FAM204A: variants seen among roughly 807,000 people sequenced by gnomAD.
FAM204A encodes the protein family with sequence similarity 204 member A, also known as protein FAM204A.
A neutral mutation model predicts 35.4 loss-of-function variants in FAM204A; 16 were observed. The ratio of observed to expected loss-of-function variants is 0.45; its 90% CI spans 0.31 to 0.69. FAM204A has a LOEUF of 0.69. FAM204A is among the 30% of genes least tolerant of loss of function. FAM204A has a pLI of 0.07. For missense variants in FAM204A, 240 were observed against 265.7 expected, an observed-to-expected ratio of 0.90 and a Z score of 0.67; for synonymous variants, 76 against 86.9, an observed-to-expected ratio of 0.88 and a Z score of 0.70.
chr10:118,339,424 T>C (rs1421063886), intron 2 of FAM204A, among the ~76,000 whole-genome samples: 1 of 152,240 alleles, frequency 6.6e-6, no homozygotes, highest in Admixed American at 6.5e-5. Flanking sequence ...CTGTGGAGAA[T>C]GATTCTCTAT....
At position 118,307,255 on chromosome 10, in the gene FAM204A, T is replaced by C. The variant is rs957408739; in HGVS notation, c.*3602A>G. ...CTGATGTCACAAATACCAGTCTACA[T>C]TTGGTTCTGGAAAAAGATTTTCATG... On this transcript the variant is annotated 3_prime_UTR_variant, in exon 9 of 9. Transcript: ENST00000369183. 22 of 152,228 alleles carry C rather than the reference T, an allele frequency of 1.4e-4. No individual in the cohort carries two copies. The highest frequency in any genetic ancestry group is 5.1e-4 in the African/African-American group (21 of 41,452). 9.4% of individuals were successfully genotyped at this position (152,228 alleles called of 1,614,324 possible). A position where few individuals can be genotyped will look rare whatever the true frequency, so the allele number is the denominator to read the frequency against.
chr10:118,335,151 C>CT lies in FAM204A; in HGVS notation c.415dup (p.Arg139LysfsTer3). ...TTTCCTTTTAACAGGCGGGTCAAAT[C>CT]TATCATTGACTCCAAAATACTGAGT... On this transcript the variant is annotated frameshift_variant, in exon 6 of 9. Transcript: ENST00000369183. LOFTEE classifies it high-confidence loss of function. 3 of 1,613,456 alleles carry CT rather than the reference C, an allele frequency of 1.9e-6. No individual in the cohort carries two copies. Among genetic ancestry groups the CT allele is most frequent in the Non-Finnish European group, 2.5e-6 (3 of 1,179,728 alleles).
rs1178342377 is a variant in FAM204A, at chr10:118,310,295, A to T, written c.*562T>A. 1.3e-5 allele frequency: 2 copies of T among 151,686 alleles called. No homozygotes were observed. Among genetic ancestry groups the T allele is most frequent in the African/African-American group, 2.4e-5 (1 of 41,076 alleles). 9.4% of individuals were successfully genotyped at this position (151,686 alleles called of 1,614,324 possible). A position where few individuals can be genotyped will look rare whatever the true frequency, so the allele number is the denominator to read the frequency against. On this transcript the variant is annotated 3_prime_UTR_variant, in exon 9 of 9. Transcript: ENST00000369183. ...TCAAGACCAGCCTGACCAACACAGCAAAACTCTGTCTCTACTAAAAATACA... is the reference window on the plus strand; with the variant it reads ...TCAAGACCAGCCTGACCAACACAGCTAAACTCTGTCTCTACTAAAAATACA...
At chr10:118,318,619 G>A (rs1846065793) in intron 7 of FAM204A, among the ~76,000 whole-genome samples, 1 of 151,942 alleles carries the variant, frequency 6.6e-6, no homozygotes, top group Admixed American at 6.6e-5. Flanking sequence ...GCTCAGCTTT[G>A]TATCTGAGCA....
At chr10:118,316,626 C>A (rs1169880298) in intron 7 of FAM204A, among the ~76,000 whole-genome samples, 1 of 152,068 alleles carries the variant, frequency 6.6e-6, no homozygotes, top group Non-Finnish European at 1.5e-5. Context: ...TATTTTTATA[C>A]CTACAACTCC....
At chr10:118,315,196 A>T (rs761505410) in intron 7 of FAM204A, among the ~76,000 whole-genome samples, 1 of 152,148 alleles carries the variant, frequency 6.6e-6, no homozygotes, top group Non-Finnish European at 1.5e-5. Context: ...TGTAAATCAT[A>T]TTGGGTTGTA....
chr10:118,333,936 C>G (rs1846331460), intron 6 of FAM204A, among the ~76,000 whole-genome samples: 1 of 152,124 alleles, frequency 6.6e-6, no homozygotes, highest in African/African-American at 2.4e-5. Context: ...CACACATAGT[C>G]TACAGCAATG....
intron 8 of FAM204A, 69 bp from the exon 9 acceptor site, chr10:118,310,977 C>T: frequency 6.9e-7 from 1 of 1,449,638 alleles, no homozygotes; most frequent in Non-Finnish European, 9.4e-7. Context: ...AACATGTTTA[C>T]TTAGAGACCA....
At chr10:118,311,477 G>T in intron 7 of FAM204A, 164 bp from the exon 8 acceptor site, 1 of 594,334 alleles carries the variant, frequency 1.7e-6, no homozygotes, top group East Asian at 2.9e-5. Flanking sequence ...ACAAAGACAG[G>T]ACCCATATCT....
In FAM204A at chr10:118,308,636, G is replaced by GC. The variant is rs1395614129; in HGVS notation, c.*2220dup. 1 of 152,222 alleles carries GC rather than the reference G, an allele frequency of 6.6e-6. No homozygotes were observed. The highest frequency in any genetic ancestry group is 6.5e-5 in the Admixed American group (1 of 15,284). 9.4% of individuals were successfully genotyped at this position (152,222 alleles called of 1,614,324 possible). ...AGAAGTGGCTTCCTTTATTAGATGA[G>GC]CCCCCGCTATACTTAATTCTGCTGA... On this transcript the variant is annotated 3_prime_UTR_variant, in exon 9 of 9. Coordinates refer to ENST00000369183, the MANE Select transcript of FAM204A (RefSeq NM_022063.3).
intron 7 of FAM204A, among the ~76,000 whole-genome samples, chr10:118,317,048 G>T (rs998532988): frequency 5.9e-5 from 9 of 152,042 alleles, no homozygotes; most frequent in African/African-American, 2.2e-4. Context: ...ACTGTTTTCA[G>T]CAATTTCTTT....
intron 7 of FAM204A, among the ~76,000 whole-genome samples, chr10:118,314,663 G>C (rs1254530026): frequency 6.6e-6 from 1 of 152,106 alleles, no homozygotes; most frequent in East Asian, 1.9e-4. Context: ...CATCACAAAA[G>C]CTTGGTCAAT....
Position 118,336,263 on chromosome 10 carries a change from T to C in FAM204A, c.153A>G (p.Thr51=). The C allele has an allele frequency of 6.2e-7, 1 of 1,613,992 alleles. No homozygotes were observed. The highest frequency in any genetic ancestry group is 8.5e-7 in the Non-Finnish European group (1 of 1,179,852). ...IRKTEIIDFS[T]DEPKTETESN... is the part of the protein sequence containing the mutation. Reference sequence around the variant, plus strand: ...ACTCTGTTTCAGTTTTTGGTTCATCTGTTGAGAAATCTATGATTTCTGTTT... The same window carrying C: ...ACTCTGTTTCAGTTTTTGGTTCATCCGTTGAGAAATCTATGATTTCTGTTT... The change falls in exon 3 of 9, where the codon ACA becomes ACG. Residue 51 remains threonine, a synonymous_variant. Coordinates refer to ENST00000369183, the MANE Select transcript of FAM204A (RefSeq NM_022063.3).
At chr10:118,332,651 A>AAAAC (rs943443266) in intron 6 of FAM204A, among the ~76,000 whole-genome samples, 6 of 152,146 alleles carry the variant, frequency 3.9e-5, no homozygotes, top group Admixed American at 1.3e-4. Context: ...CACTCTGCTA[A>AAAAC]AAACAAACAA....
At position 118,310,521 on chromosome 10, in the gene FAM204A, A is replaced by C. The variant is rs1388286077; in HGVS notation, c.*336T>G. ...AAAAAAAAAAGAAAGAAAGTACGAG[A>C]AGCTCACTGGCTGTGCTAAACCAAA... is the stretch of plus-strand genomic sequence containing the variant. On this transcript the variant is annotated 3_prime_UTR_variant, in exon 9 of 9. Coordinates refer to ENST00000369183, the MANE Select transcript of FAM204A (RefSeq NM_022063.3). 1 of 220,604 alleles carries C rather than the reference A, an allele frequency of 4.5e-6. No homozygotes were observed. Among genetic ancestry groups the C allele is most frequent in the Non-Finnish European group, 8.7e-6 (1 of 114,322 alleles). 13.7% of individuals were successfully genotyped at this position (220,604 alleles called of 1,614,324 possible). A position where few individuals can be genotyped will look rare whatever the true frequency, so the allele number is the denominator to read the frequency against.
chr10:118,334,794 T>C (rs574347372), intron 6 of FAM204A, among the ~76,000 whole-genome samples: 20 of 152,284 alleles, frequency 1.3e-4, no homozygotes. Context: ...TCTTTATCCA[T>C]GCCTCTGCGC....
rs531508327 is a variant in FAM204A, at chr10:118,315,385, G to C, written c.544-4072C>G. 2.0e-5 allele frequency among the ~76,000 whole-genome samples: 3 copies of C among 152,200 alleles called. No individual in the cohort carries two copies. The South Asian group carries it at 6.2e-4, about 32-fold the overall frequency. On this transcript the variant is annotated intron_variant, in intron 7 of 8. Transcript: ENST00000369183. Reference sequence around the variant, plus strand: ...CTGTAAATTTCTTATCCGTTTCAGAGTAAATTTTACTCATCTCAAAATTAC... The same window carrying C: ...CTGTAAATTTCTTATCCGTTTCAGACTAAATTTTACTCATCTCAAAATTAC...
At position 118,301,098 on chromosome 10, in the gene FAM204A, GTCA is replaced by G. The variant is rs1236513508; in HGVS notation, c.*9756_*9758del. 6.6e-6 allele frequency: 1 copy of G among 152,128 alleles called. No individual in the cohort carries two copies. Among genetic ancestry groups the G allele is most frequent in the African/African-American group, 2.4e-5 (1 of 41,424 alleles). The allele number at this position is 152,128 out of a possible 1,614,324, so 9.4% of individuals were successfully genotyped here. On this transcript the variant is annotated 3_prime_UTR_variant, in exon 9 of 9. Coordinates refer to ENST00000369183, the MANE Select transcript of FAM204A (RefSeq NM_022063.3). ...TTTCCTGCTGCTGTATGTCTTTTGCGTCATCTTCGCATATTTAACCTCCTTGGC... is the reference window on the plus strand; with the variant it reads ...TTTCCTGCTGCTGTATGTCTTTTGCGTCTTCGCATATTTAACCTCCTTGGC...
chr10:118,335,705 AT>A, intron 3 of FAM204A, 64 bp from the exon 4 acceptor site: 1 of 1,191,426 alleles, frequency 8.4e-7, no homozygotes. Context: ...CATTTAAAAA[AT>A]AATGAAGTAA....
Sources: gnomAD v4.1 joint callset for allele counts (sites outside exome capture counted in the v4.1 genomes callset) on GRCh38, gnomAD v4.1.1 for gene constraint, MANE v1.5 for transcripts, NCBI Gene and HGNC (gene_info 2026-07-23, HGNC 2026-07-21) for gene names.